ACSL3: variants seen among roughly 807,000 people sequenced by gnomAD.
The protein encoded by ACSL3 is acyl-CoA synthetase long chain family member 3.
Under a neutral mutation model 84.7 loss-of-function variants are expected in ACSL3, and 34 were observed. The ratio of observed to expected loss-of-function variants is 0.40; its 90% CI spans 0.31 to 0.53. The LOEUF (loss-of-function observed/expected upper bound fraction) is 0.53. ACSL3 is among the 20% of genes least tolerant of loss of function. ACSL3 has a pLI of 0.48. For synonymous variants in ACSL3, 315 were observed against 299.4 expected (o/e 1.05, Z -0.54); for missense variants, 680 against 873.1 (o/e 0.78, Z 2.79).
At chr2:222,887,439 C>A (rs926376789) in intron 1 of ACSL3, among the ~76,000 whole-genome samples, 1 of 152,114 alleles carries the variant, frequency 6.6e-6, no homozygotes, top group African/African-American at 2.4e-5. Context: ...TGGGTAAATA[C>A]CAAGCACTGT....
At chr2:222,864,298 T>C (rs1404821415) in intron 1 of ACSL3, among the ~76,000 whole-genome samples, 1 of 152,134 alleles carries the variant, frequency 6.6e-6, no homozygotes, top group Non-Finnish European at 1.5e-5. Context: ...GTGCTGAGAA[T>C]TGGGGTGGCC....
chr2:222,866,909 A>G (rs1695163250), intron 1 of ACSL3, among the ~76,000 whole-genome samples: 1 of 148,582 alleles, frequency 6.7e-6, no homozygotes, highest in African/African-American at 2.5e-5. Flanking sequence ...ATCTCTGCTC[A>G]CTGCAACCTC....
intron 14 of ACSL3, among the ~76,000 whole-genome samples, chr2:222,931,894 C>T (rs537219184): frequency 3.5e-4 from 53 of 152,154 alleles, no homozygotes; most frequent in East Asian, 1.7e-3. Flanking sequence ...CCTTAGGACT[C>T]GGCTCAAGCA....
chr2:222,930,037 T>C (rs1384469737), intron 13 of ACSL3, among the ~76,000 whole-genome samples: 1 of 149,106 alleles, frequency 6.7e-6, no homozygotes, highest in Non-Finnish European at 1.5e-5. Context: ...CAAGTGATTC[T>C]CCTGCCTCAG....
In ACSL3 at chr2:222,938,622, CT is replaced by C. The variant is rs573780569; in HGVS notation, c.2006-2874del. On this transcript the variant is annotated intron_variant, in intron 16 of 16. Transcript: ENST00000357430. ...ATTACGAGTGTGTTTTGGTGTAGTT[CT>C]CTTCCTAGTGGAGTGTTTTGAGCTG... Among the ~76,000 whole-genome samples the C allele has an allele frequency of 3.6e-4, 55 of 152,196 alleles. No individual in the cohort carries two copies. The Middle Eastern group carries it at 0.01, about 28-fold the overall frequency.
intron 6 of ACSL3, 127 bp from the exon 7 acceptor site, chr2:222,918,937 A>G (rs1023145354): frequency 5.6e-6 from 6 of 1,065,650 alleles, no homozygotes; most frequent in Admixed American, 2.7e-5. Flanking sequence ...ATGCCAGTGT[A>G]CCCTTTCTTC....
At chr2:222,868,162 T>C (rs1312379614) in intron 1 of ACSL3, among the ~76,000 whole-genome samples, 3 of 152,180 alleles carry the variant, frequency 2.0e-5, no homozygotes, top group South Asian at 4.1e-4. Flanking sequence ...TGTATTTTAG[T>C]GTTTGTTTCC....
intron 4 of ACSL3, 100 bp from the exon 5 acceptor site, chr2:222,916,219 C>T (rs867935955): frequency 1.3e-5 from 9 of 709,448 alleles, no homozygotes; most frequent in African/African-American, 3.7e-5. Context: ...TCTATGCAAA[C>T]GTAACTTTCT....
At chr2:222,930,168 G>A (rs111296702) in intron 13 of ACSL3, among the ~76,000 whole-genome samples, 12,047 of 152,008 alleles carry the variant, frequency 0.079, 699 homozygotes, top group African/African-American at 0.15. Flanking sequence ...GACCTCAGGC[G>A]ATCCACCCTC....
At chr2:222,934,771 T>C in intron 16 of ACSL3, 84 bp downstream of exon 16, 3 of 1,397,010 alleles carry the variant, frequency 2.1e-6, no homozygotes, top group Non-Finnish European at 2.9e-6. Context: ...AGGTTTAGGG[T>C]TCATTACTTT....
chr2:222,868,690 T>C (rs1038272282), intron 1 of ACSL3, among the ~76,000 whole-genome samples: 1 of 152,220 alleles, frequency 6.6e-6, no homozygotes, highest in African/African-American at 2.4e-5. Context: ...CTTATGCCTT[T>C]AATCCCAGCA....
chr2:222,870,854 C>CT (rs147170552), intron 1 of ACSL3, among the ~76,000 whole-genome samples: 3 of 152,082 alleles, frequency 2.0e-5, no homozygotes, highest in Admixed American at 6.6e-5. Flanking sequence ...TTTATTCCTT[C>CT]TTTTTTTTCC....
chr2:222,911,733 G>A (rs1696445236), intron 4 of ACSL3, among the ~76,000 whole-genome samples: 1 of 152,208 alleles, frequency 6.6e-6, no homozygotes, highest in Non-Finnish European at 1.5e-5. Context: ...TCGTGTATCA[G>A]TATAACTGGA....
At chr2:222,927,305 A>G (rs1696909817) in intron 12 of ACSL3, 116 bp downstream of exon 12, 1 of 1,027,356 alleles carries the variant, frequency 9.7e-7, no homozygotes, top group Non-Finnish European at 1.4e-6. Flanking sequence ...AGGCAGAATA[A>G]TGGTGGATTC....
chr2:222,931,539 A>T (rs1177141944), intron 14 of ACSL3, among the ~76,000 whole-genome samples: 2 of 151,990 alleles, frequency 1.3e-5, no homozygotes, highest in African/African-American at 2.4e-5. Flanking sequence ...AGTTTATTTT[A>T]TGAGCTATGT....
intron 2 of ACSL3, among the ~76,000 whole-genome samples, chr2:222,890,626 G>C (rs1250650906): frequency 6.6e-6 from 1 of 151,926 alleles, no homozygotes; most frequent in Non-Finnish European, 1.5e-5. Context: ...GGAAAGAGAG[G>C]TGGGTAGATT....
chr2:222,900,961 T>C (rs540977553), intron 3 of ACSL3, among the ~76,000 whole-genome samples, 181 bp downstream of exon 3: 3 of 152,350 alleles, frequency 2.0e-5, no homozygotes, highest in South Asian at 2.1e-4. Context: ...CCTGCTCTTC[T>C]GGTTTATTTT....
At chr2:222,918,962 C>T (rs957450528) in intron 6 of ACSL3, 102 bp from the exon 7 acceptor site, 2 of 1,394,494 alleles carry the variant, frequency 1.4e-6, no homozygotes, top group African/African-American at 2.9e-5. Context: ...TTTTTTGAGG[C>T]AAGAAATTAC....
chr2:222,908,850 A>T lies in ACSL3; in HGVS notation c.78A>T (p.Ile26=), dbSNP rs1446308549. The change falls in exon 4 of 17, where the codon ATA becomes ATT. Residue 26 remains isoleucine (I), a synonymous_variant. Transcript: ENST00000357430. The part of the protein sequence containing the change: ...HTINPILLYF[I]HFLISLYTIL... ...TCAACCCTATTCTTTTATATTTTAT[A>T]CATTTTCTAATATCACTTTATACTA... is the stretch of plus-strand genomic sequence containing the variant. The T allele has an allele frequency of 3.7e-6, 6 of 1,604,340 alleles. No individual in the cohort carries two copies. In the Admixed American group the frequency reaches 5.1e-5, roughly 14 times the overall value.
Sources: gnomAD v4.1 joint callset for allele counts (sites outside exome capture counted in the v4.1 genomes callset) on GRCh38, gnomAD v4.1.1 for gene constraint, MANE v1.5 for transcripts, NCBI Gene and HGNC (gene_info 2026-07-23, HGNC 2026-07-21) for gene names.